The following CPNE7 variants were observed in gnomAD, a reference collection of about 807,000 sequenced individuals.
CPNE7 encodes copine 7.
In CPNE7, 78 loss-of-function variants were observed where a neutral mutation model predicts 66.5. The ratio of observed to expected loss-of-function variants is 1.17; its 90% confidence interval spans 0.98 to 1.42. The LOEUF (loss-of-function observed/expected upper bound fraction) is 1.42. Among genes scored for constraint, CPNE7 ranks in the 40% most tolerant of loss-of-function variants. CPNE7 has a pLI of 0.00. For synonymous variants in CPNE7, 468 were observed against 336.7 expected (o/e 1.39, Z -4.27); for missense variants, 1,012 against 776.6 (o/e 1.30, Z -3.60).
chr16:89,584,143 C>T lies in CPNE7; in HGVS notation c.507+41C>T. Reference sequence around the variant, plus strand: ...GGGCACGCCTGGCTCAGGCTGAGGTCCGGGAACCGGTTCGAAAACCCGGTC... The same window carrying T: ...GGGCACGCCTGGCTCAGGCTGAGGTTCGGGAACCGGTTCGAAAACCCGGTC... On this transcript the variant is annotated intron_variant, in intron 4 of 14. Coordinates refer to ENST00000319518, the MANE Select transcript of CPNE7 (RefSeq NM_153636.3). This position sits in a 1 kb window ranked among gnomAD's most constrained non-coding sequence, Gnocchi z 6.0. The T allele has an allele frequency of 6.3e-7, 1 of 1,583,208 alleles. No individual in the cohort carries two copies. The highest frequency in any genetic ancestry group is 1.1e-5 in the South Asian group (1 of 88,682).
In CPNE7 at chr16:89,589,701, C is replaced by T. The variant is rs1567963539; in HGVS notation, c.1062-196C>T. ...GAGGCAGGCTCGCGGGCGGCAGGAC[C>T]GTGTCCCCTTGCACACAGGCCTGTG... On this transcript the variant is annotated intron_variant, in intron 10 of 14. Coordinates refer to ENST00000319518, the MANE Select transcript of CPNE7 (RefSeq NM_153636.3). Among the ~76,000 whole-genome samples, 7 of 152,162 alleles carry T rather than the reference C, an allele frequency of 4.6e-5. No homozygotes were observed. In the South Asian group the frequency reaches 1.2e-3, roughly 27 times the overall value.
intron 14 of CPNE7, 47 bp downstream of exon 14, chr16:89,595,650 G>A: frequency 6.6e-7 from 1 of 1,521,252 alleles, no homozygotes. Flanking sequence ...GGGGGTCCCT[G>A]TTCATGTCAC....
intron 13 of CPNE7, among the ~76,000 whole-genome samples, chr16:89,592,743 A>G (rs921660184): frequency 6.6e-6 from 1 of 151,086 alleles, no homozygotes; most frequent in Non-Finnish European, 1.5e-5. Context: ...CGCCCAGCCC[A>G]AATTTTTTTT....
chr16:89,585,248 G>C (rs983601135), intron 5 of CPNE7, among the ~76,000 whole-genome samples: 1 of 152,222 alleles, frequency 6.6e-6, no homozygotes, highest in African/African-American at 2.4e-5. Context: ...CGAAGGTGGA[G>C]GCACAGGGCT....
In CPNE7 at chr16:89,591,232, C is replaced by G; in HGVS notation, c.1274C>G (p.Ala425Gly). Residue 425 changes from alanine to glycine, a missense_variant, in exon 13 of 15, where the codon GCG (alanine) becomes GGG (glycine). By Grantham distance (60) the Ala-to-Gly change is moderately conservative (BLOSUM62 0). Coordinates refer to ENST00000319518, the MANE Select transcript of CPNE7 (RefSeq NM_153636.3). The part of the protein sequence containing the change: ...PIISKVARVA[A>G]AEESTGKASQ... ...ATCTCCAAGGTGGCACGCGTGGCGG[C>G]GGCCGAGGAGAGCACCGGGAAAGCC... 1.3e-6 allele frequency: 2 copies of G among 1,586,286 alleles called. No individual in the cohort carries two copies. Among genetic ancestry groups the G allele is most frequent in the Non-Finnish European group, 1.7e-6 (2 of 1,166,474 alleles).
chr16:89,591,044 A>ACGAT lies in CPNE7; in HGVS notation c.1155_1158dup (p.Glu387ArgfsTer2). The ACGAT allele has an allele frequency of 6.2e-7, 1 of 1,613,568 alleles. No homozygotes were observed. Among genetic ancestry groups the ACGAT allele is most frequent in the Non-Finnish European group, 8.5e-7 (1 of 1,179,848 alleles). On this transcript the variant is annotated frameshift_variant, in exon 12 of 15. Transcript: ENST00000319518. LOFTEE classifies it high-confidence loss of function. ...TTTGCCATCAATTTCAACCCTGAGG[A>ACGAT]CGATGAGTGTGAAGGTAGGAGCTCG... is the stretch of plus-strand genomic sequence containing the variant.
At chr16:89,595,105 G>T (rs920039345) in intron 13 of CPNE7, among the ~76,000 whole-genome samples, 2 of 152,028 alleles carry the variant, frequency 1.3e-5, no homozygotes, top group African/African-American at 4.8e-5. Context: ...TGTAGACTTC[G>T]TAGCACCCCC....
intron 8 of CPNE7, 100 bp downstream of exon 8, chr16:89,586,856 C>A: frequency 8.2e-7 from 1 of 1,213,822 alleles, no homozygotes; most frequent in Non-Finnish European, 1.2e-6. Flanking sequence ...GCCTGGTGGG[C>A]CCCAGCACGT....
intron 13 of CPNE7, among the ~76,000 whole-genome samples, chr16:89,593,464 T>C (rs948817968): frequency 1.4e-4 from 21 of 151,982 alleles, no homozygotes; most frequent in Admixed American, 1.2e-3. Context: ...GCCATTCTCC[T>C]GCCTCAGCCT....
intron 10 of CPNE7, among the ~76,000 whole-genome samples, chr16:89,589,529 C>T (rs1382895516): frequency 1.3e-5 from 2 of 152,086 alleles, no homozygotes; most frequent in African/African-American, 4.8e-5. Flanking sequence ...GGAGAGGATG[C>T]CCTGAGCTCC....
At chr16:89,592,062 G>C (rs1238457363) in intron 13 of CPNE7, among the ~76,000 whole-genome samples, 1 of 146,138 alleles carries the variant, frequency 6.8e-6, no homozygotes, top group Non-Finnish European at 1.5e-5. Flanking sequence ...GGCTGGAAGT[G>C]TAGTGGCGCA....
rs557171321 is a variant in CPNE7, at chr16:89,580,473, C to G, written c.357+2752C>G. ...ATCACACGGAACATCTCACCCATCA[C>G]ACGGAACATCCCGTCACCCGCTGAC... On this transcript the variant is annotated intron_variant, in intron 2 of 14. Coordinates refer to ENST00000319518, the MANE Select transcript of CPNE7 (RefSeq NM_153636.3). 3.4e-4 allele frequency among the ~76,000 whole-genome samples: 48 copies of G among 142,348 alleles called. 2 individuals carry two copies. In the East Asian group the frequency reaches 9.2e-3, roughly 27 times the overall value. The allele number at this position is 142,348 out of a possible 152,430, so 93.4% of individuals were successfully genotyped here.
In CPNE7 at chr16:89,595,355, C is replaced by T. The variant is rs1597723901; in HGVS notation, c.1303-12C>T. 1 of 1,552,388 alleles carries T rather than the reference C, an allele frequency of 6.4e-7. No homozygotes were observed. The highest frequency in any genetic ancestry group is 8.7e-7 in the Non-Finnish European group (1 of 1,143,234). On this transcript the variant is annotated splice_polypyrimidine_tract_variant and intron_variant, in intron 13 of 14. Coordinates refer to ENST00000319518, the MANE Select transcript of CPNE7 (RefSeq NM_153636.3). ...AGGTGTGGTGTTGCTGATGCCTTTC[C>T]TGTGCCCCCAGCAATACTACATCCT...
intron 13 of CPNE7, among the ~76,000 whole-genome samples, chr16:89,593,621 G>C (rs1334209648): frequency 1.3e-5 from 2 of 152,220 alleles, no homozygotes; most frequent in Admixed American, 1.3e-4. Context: ...CAAAGTGCTG[G>C]GATTACAGGC....
intron 7 of CPNE7, 126 bp from the exon 8 acceptor site, chr16:89,586,544 G>A (rs2059041782): frequency 2.8e-6 from 2 of 713,818 alleles, no homozygotes; most frequent in East Asian, 2.6e-5. Flanking sequence ...CTGCAGCAGT[G>A]CCCTCCCCTC....
rs1002776727 is a variant in CPNE7 at position 89,584,458 on chromosome 16, C to T, written c.508-316C>T. 6.6e-6 allele frequency among the ~76,000 whole-genome samples: 1 copy of T among 152,204 alleles called. No individual in the cohort carries two copies. The highest frequency in any genetic ancestry group is 1.5e-5 in the Non-Finnish European group (1 of 68,030). On this transcript the variant is annotated intron_variant, in intron 4 of 14. Transcript: ENST00000319518. This position sits in a 1 kb window ranked among gnomAD's most constrained non-coding sequence, Gnocchi z 6.0. ...GGGCTCGTCACGTGGGTGGGCAGAACAGGGTCCAACCCCGCCATGTAGGGC... is the reference window on the plus strand; with the variant it reads ...GGGCTCGTCACGTGGGTGGGCAGAATAGGGTCCAACCCCGCCATGTAGGGC...
chr16:89,580,839 A>T (rs1418142151), intron 2 of CPNE7, among the ~76,000 whole-genome samples: 1 of 114,914 alleles, frequency 8.7e-6, no homozygotes. Flanking sequence ...CCCGTCACCC[A>T]TCACACGGAA....
rs925699103 is a variant in CPNE7 at position 89,584,575 on chromosome 16, G to A, written c.508-199G>A. On this transcript the variant is annotated intron_variant, in intron 4 of 14. Transcript: ENST00000319518. This position sits in a 1 kb window ranked among gnomAD's most constrained non-coding sequence, Gnocchi z 6.0. ...GTGCAGGGTGACTCCATGGAGGGCT[G>A]AGTTGCCCGCCGTGGTCAGATCCCT... is the stretch of plus-strand genomic sequence containing the variant. Among the ~76,000 whole-genome samples the A allele has an allele frequency of 1.3e-5, 2 of 148,496 alleles. No individual in the cohort carries two copies. The highest frequency in any genetic ancestry group is 4.9e-5 in the African/African-American group (2 of 40,910).
rs886496327 is a variant in CPNE7 at position 89,588,327 on chromosome 16, T to G, written c.928-348T>G. Reference sequence around the variant, plus strand: ...GGGAGAAGCCAGCAAGTGGGAAACGTGGGGGGACCCAGACCAGGCTTGGTC... The same window carrying G: ...GGGAGAAGCCAGCAAGTGGGAAACGGGGGGGGACCCAGACCAGGCTTGGTC... On this transcript the variant is annotated intron_variant, in intron 9 of 14. Transcript: ENST00000319518. Among the ~76,000 whole-genome samples, 10 of 152,120 alleles carry G rather than the reference T, an allele frequency of 6.6e-5. No homozygotes were observed. In the East Asian group the frequency reaches 1.7e-3, roughly 26 times the overall value.
Sources: allele counts gnomAD v4.1 joint callset (sites outside exome capture counted in the v4.1 genomes callset), GRCh38; gene constraint gnomAD v4.1.1; non-coding constraint Gnocchi (gnomAD v3.1); transcripts MANE v1.5; gene names NCBI Gene and HGNC (gene_info 2026-07-23, HGNC 2026-07-21).